Variants in UBE2W observed in about 807,000 individuals in gnomAD.
The protein encoded by UBE2W is ubiquitin conjugating enzyme E2 W.
In UBE2W, 18 loss-of-function variants were observed where a neutral mutation model predicts 27.2. The observed-to-expected ratio is 0.66, with a 90% CI of 0.46 to 0.98. The LOEUF is 0.98. Ranked by LOEUF, UBE2W falls within the 50% of genes least tolerant of loss-of-function variation. The pLI, the probability that UBE2W is intolerant of heterozygous loss-of-function variation, is 0.00. For synonymous variants in UBE2W, 53 were observed against 57.2 expected (o/e 0.93, Z 0.33); for missense variants, 90 against 180.2 (o/e 0.50, Z 2.87).
intron 1 of UBE2W, among the ~76,000 whole-genome samples, chr8:73,841,681 A>G (rs1810541712): frequency 6.6e-6 from 1 of 152,228 alleles, no homozygotes; most frequent in Non-Finnish European, 1.5e-5. Context: ...GCACAATGGC[A>G]GAGTATATAC....
chr8:73,843,117 A>G (rs570119942), intron 1 of UBE2W, among the ~76,000 whole-genome samples: 20 of 152,330 alleles, frequency 1.3e-4, no homozygotes, highest in East Asian at 3.9e-4. Flanking sequence ...TGAAATGTCT[A>G]TAACAGTCAA....
chr8:73,853,016 G>A (rs1811141044), intron 1 of UBE2W, among the ~76,000 whole-genome samples: 1 of 152,102 alleles, frequency 6.6e-6, no homozygotes, highest in South Asian at 2.1e-4. Context: ...CCAAAGTATT[G>A]GAATTAAGAG....
At chr8:73,858,871 TTTGC>T (rs1811415406) in intron 1 of UBE2W, among the ~76,000 whole-genome samples, 1 of 115,946 alleles carries the variant, frequency 8.6e-6, no homozygotes, top group African/African-American at 3.3e-5. Context: ...TAGGGGGGTT[TTTGC>T]GTGCGTGTGT....
In UBE2W at chr8:73,805,718, T is replaced by C. The variant is rs13282621; in HGVS notation, c.375A>G (p.Pro125=). 1.1e-5 allele frequency: 17 copies of C among 1,519,416 alleles called. No homozygotes were observed. Among genetic ancestry groups the C allele is most frequent in the Non-Finnish European group, 1.4e-5 (16 of 1,124,832 alleles). The allele number at this position is 1,519,416 out of a possible 1,614,324, so 94.1% of individuals were successfully genotyped here. A position where few individuals can be genotyped will look rare whatever the true frequency, so the allele number is the denominator to read the frequency against. The change falls in exon 5 of 6, where the codon CCA becomes CCG. Residue 125 remains proline, a synonymous_variant. Coordinates refer to ENST00000602593, the MANE Select transcript of UBE2W (RefSeq NM_018299.6). The part of the protein sequence containing the change: ...MLSSCKEKRR[P]PDNSFYVRTC... The stretch of plus-strand genomic sequence containing the variant: ...TTCGCACATAAAAAGAATTATCCGG[T>C]GGTCGTCTCTGAAACAAAAAATAAT...
intron 1 of UBE2W, among the ~76,000 whole-genome samples, chr8:73,877,900 T>C (rs1812300986): frequency 6.6e-6 from 1 of 152,084 alleles, no homozygotes; most frequent in African/African-American, 2.4e-5. Flanking sequence ...GTAAATTAAG[T>C]TGGAAAGCCA....
intron 2 of UBE2W, among the ~76,000 whole-genome samples, chr8:73,827,039 T>TAAAC (rs1809869312): frequency 6.6e-6 from 1 of 152,234 alleles, no homozygotes; most frequent in Non-Finnish European, 1.5e-5. Context: ...TTTCATTCTG[T>TAAAC]TTATATGGTA....
intron 1 of UBE2W, among the ~76,000 whole-genome samples, chr8:73,871,689 C>T (rs1372742928): frequency 6.6e-6 from 1 of 152,074 alleles, no homozygotes; most frequent in African/African-American, 2.4e-5. Context: ...TTTGCAGATA[C>T]TACTCATAAT....
chr8:73,798,273 A>C (rs916829137), intron 5 of UBE2W, among the ~76,000 whole-genome samples: 1 of 152,182 alleles, frequency 6.6e-6, no homozygotes, highest in Non-Finnish European at 1.5e-5. Context: ...CTCCAGCCTA[A>C]GTGACAGAGT....
At chr8:73,815,131 C>T (rs1353291079) in intron 3 of UBE2W, among the ~76,000 whole-genome samples, 1 of 152,176 alleles carries the variant, frequency 6.6e-6, no homozygotes, top group Admixed American at 6.5e-5. Context: ...AATCCTAGCA[C>T]TTTGGGAGGT....
intron 2 of UBE2W, among the ~76,000 whole-genome samples, chr8:73,828,000 A>G (rs889838231): frequency 2.6e-5 from 4 of 152,214 alleles, no homozygotes; most frequent in African/African-American, 7.2e-5. Flanking sequence ...ATCGAAGCCT[A>G]TATGAAATGG....
chr8:73,874,694 T>C (rs1812145196), intron 1 of UBE2W, among the ~76,000 whole-genome samples: 1 of 152,378 alleles, frequency 6.6e-6, no homozygotes, highest in Non-Finnish European at 1.5e-5. Flanking sequence ...ATTTTTAGAA[T>C]TACCAAAATT....
intron 1 of UBE2W, among the ~76,000 whole-genome samples, chr8:73,844,701 G>C (rs1453092634): frequency 6.6e-6 from 1 of 151,756 alleles, no homozygotes; most frequent in East Asian, 1.9e-4. Flanking sequence ...TAGGAAGTGA[G>C]GAGCGTCTCT....
chr8:73,790,951 G>A lies in UBE2W; in HGVS notation c.*3151C>T. ...TTTGCATATATTTAAAATTTCATGA[G>A]GGAAAAGGTAATAAACTATTCTAGT... On this transcript the variant is annotated 3_prime_UTR_variant, in exon 6 of 6. Transcript: ENST00000602593. 1.0e-6 allele frequency: 1 copy of A among 980,622 alleles called. No homozygotes were observed. Among genetic ancestry groups the A allele is most frequent in the African/African-American group, 1.7e-5 (1 of 57,194 alleles). 60.7% of individuals were successfully genotyped at this position (980,622 alleles called of 1,614,324 possible).
rs1808289543 is a variant in UBE2W, at chr8:73,793,630, T to G, written c.*472A>C. ...GGGTGACTTTTAAAGTAATGTTGGA[T>G]CCCTCACTTTATTTATATTCCCACT... On this transcript the variant is annotated 3_prime_UTR_variant, in exon 6 of 6. Coordinates refer to ENST00000602593, the MANE Select transcript of UBE2W (RefSeq NM_018299.6). The G allele has an allele frequency of 3.0e-6, 3 of 986,512 alleles. No homozygotes were observed. In the African/African-American group the frequency reaches 5.2e-5, roughly 17 times the overall value. The allele number at this position is 986,512 out of a possible 1,614,324, so 61.1% of individuals were successfully genotyped here. A position where few individuals can be genotyped will look rare whatever the true frequency, so the allele number is the denominator to read the frequency against.
Position 73,786,704 on chromosome 8 carries a change from G to C in UBE2W, c.*7398C>G, listed in dbSNP as rs1209808519. ...TTGTGGACAGCTGAAGAGCAGCCTAGGGACACCAAGGCCAGGTAGTGAAAG... is the reference window on the plus strand; with the variant it reads ...TTGTGGACAGCTGAAGAGCAGCCTACGGACACCAAGGCCAGGTAGTGAAAG... On this transcript the variant is annotated 3_prime_UTR_variant, in exon 6 of 6. Transcript: ENST00000602593. 1.0e-6 allele frequency: 1 copy of C among 985,270 alleles called. No individual in the cohort carries two copies. The highest frequency in any genetic ancestry group is 1.2e-6 in the Non-Finnish European group (1 of 829,932). 61.0% of individuals were successfully genotyped at this position (985,270 alleles called of 1,614,324 possible).
intron 5 of UBE2W, among the ~76,000 whole-genome samples, chr8:73,800,370 GAGAAAATATATTAAGAGATAAGA>G (rs1428276251): frequency 6.6e-6 from 1 of 151,906 alleles, no homozygotes; most frequent in African/African-American, 2.4e-5. Context: ...CAAGCAAGAG[GAGAAAATATATTAAGAGATAAGA>G]ATGGTCATCG....
intron 2 of UBE2W, among the ~76,000 whole-genome samples, chr8:73,825,699 G>A (rs975923998): frequency 6.6e-6 from 1 of 152,110 alleles, no homozygotes; most frequent in Non-Finnish European, 1.5e-5. Context: ...TACTCAGGAG[G>A]CTGAGGCAGG....
chr8:73,845,287 AAAAG>A (rs1318897961), intron 1 of UBE2W, among the ~76,000 whole-genome samples: 1 of 152,224 alleles, frequency 6.6e-6, no homozygotes, highest in Non-Finnish European at 1.5e-5. Context: ...AAATGTGGAG[AAAAG>A]AAAGATCAGA....
chr8:73,873,944 CG>C (rs1429490682), intron 1 of UBE2W, among the ~76,000 whole-genome samples: 1 of 152,072 alleles, frequency 6.6e-6, no homozygotes, highest in Non-Finnish European at 1.5e-5. Flanking sequence ...TAAGACACAA[CG>C]TAACAGGAGG....
Sources: gnomAD v4.1 joint callset for allele counts (sites outside exome capture counted in the v4.1 genomes callset) on GRCh38, gnomAD v4.1.1 for gene constraint, MANE v1.5 for transcripts, NCBI Gene and HGNC (gene_info 2026-07-23, HGNC 2026-07-21) for gene names.